Variants in HHIP observed in about 807,000 individuals in gnomAD.
HHIP encodes hedgehog-interacting protein.
HHIP carries 12 observed loss-of-function variants against 74.0 expected under a neutral mutation model. The observed-to-expected ratio is 0.16, with a 90% CI of 0.10 to 0.26. The LOEUF (loss-of-function observed/expected upper bound fraction) is 0.26. HHIP is among the 10% of genes least tolerant of loss of function. The pLI is 1.00. For missense variants in HHIP, 788 were observed against 845.0 expected (o/e 0.93, Z 0.84); for synonymous variants, 309 against 311.6 (o/e 0.99, Z 0.09).
chr4:144,647,108 G>A (rs940473956), intron 1 of HHIP, 154 bp downstream of exon 1: 1 of 631,064 alleles, frequency 1.6e-6, no homozygotes, highest in South Asian at 2.4e-5. Context: ...TGATTCCGTT[G>A]TGTGTTCCTC....
intron 11 of HHIP, among the ~76,000 whole-genome samples, chr4:144,731,301 T>C (rs1351910982): frequency 2.0e-5 from 3 of 152,206 alleles, no homozygotes; most frequent in Non-Finnish European, 4.4e-5. Flanking sequence ...TGCAACACAT[T>C]CTTCTAGGTC....
In HHIP at chr4:144,658,837, A is replaced by G. The variant is rs771087895; in HGVS notation, c.520A>G (p.Lys174Glu). 1.9e-6 allele frequency: 3 copies of G among 1,613,722 alleles called. No homozygotes were observed. The highest frequency in any genetic ancestry group is 2.2e-5 in the South Asian group (2 of 91,066). ...ADEFCFYYAR[K>E]DGGLCFPDFP... ...TGAGTTTTGCTTTTACTATGCAAGA[A>G]AAGATGGTGGGTTGTGCTTTCCAGA... is the stretch of plus-strand genomic sequence containing the variant. The change falls in exon 3 of 13, where the codon AAA becomes GAA. Residue 174 changes from lysine (K) to glutamate (E), a missense_variant. Lys to Glu is a moderately conservative substitution (Grantham distance 56). Coordinates refer to ENST00000296575, the MANE Select transcript of HHIP (RefSeq NM_022475.3).
rs546583827 is a variant in HHIP at position 144,711,394 on chromosome 4, A to G, written c.1302-556A>G. 9.2e-5 allele frequency among the ~76,000 whole-genome samples: 14 copies of G among 152,122 alleles called. No homozygotes were observed. The South Asian group carries it at 2.9e-3, about 32-fold the overall frequency. On this transcript the variant is annotated intron_variant, in intron 7 of 12. Coordinates refer to ENST00000296575, the MANE Select transcript of HHIP (RefSeq NM_022475.3). ...ACTTGCAGGTTTCTTACATAGGTTT[A>G]CATGTGCCATGGTAGTTTGCTGCAC... is the stretch of plus-strand genomic sequence containing the variant.
intron 4 of HHIP, among the ~76,000 whole-genome samples, chr4:144,679,675 A>G (rs751182953): frequency 1.6e-4 from 25 of 152,168 alleles, no homozygotes; most frequent in Non-Finnish European, 3.5e-4. Context: ...CAAAGATCAG[A>G]TAATTGTAGA....
At chr4:144,719,115 G>A (rs111283241) in intron 11 of HHIP, among the ~76,000 whole-genome samples, 159 bp downstream of exon 11, 3 of 151,960 alleles carry the variant, frequency 2.0e-5, no homozygotes, top group Admixed American at 6.6e-5. Flanking sequence ...GATTTTCTTC[G>A]CCTGTCTATG....
intron 2 of HHIP, among the ~76,000 whole-genome samples, chr4:144,657,516 A>AG (rs1276666267): frequency 6.6e-6 from 1 of 152,228 alleles, no homozygotes; most frequent in Admixed American, 6.5e-5. Context: ...CTCTGGTAAT[A>AG]CCGTCATATT....
intron 1 of HHIP, among the ~76,000 whole-genome samples, chr4:144,649,064 T>A (rs1034651625): frequency 6.6e-6 from 1 of 152,224 alleles, no homozygotes; most frequent in Admixed American, 6.5e-5. Flanking sequence ...TGACCTATGT[T>A]AGTTTTCAAG....
intron 4 of HHIP, among the ~76,000 whole-genome samples, chr4:144,672,860 C>T (rs1426644336): frequency 6.6e-6 from 1 of 152,102 alleles, no homozygotes; most frequent in Non-Finnish European, 1.5e-5. Flanking sequence ...TGCCACCATG[C>T]CCAGCTATTT....
chr4:144,734,285 G>A (rs538670390), intron 11 of HHIP, among the ~76,000 whole-genome samples: 16 of 151,330 alleles, frequency 1.1e-4, no homozygotes, highest in Non-Finnish European at 2.1e-4. Context: ...AAGTCATTTT[G>A]ATGAATGCCT....
chr4:144,647,217 C>A, intron 1 of HHIP: 1 of 417,110 alleles, frequency 2.4e-6, no homozygotes, highest in Non-Finnish European at 4.2e-6. Flanking sequence ...GGTACCCGCA[C>A]CCTGGGCTGG....
chr4:144,692,181 A>G (rs996452485), intron 4 of HHIP, among the ~76,000 whole-genome samples: 1 of 152,088 alleles, frequency 6.6e-6, no homozygotes, highest in African/African-American at 2.4e-5. Flanking sequence ...AGAAGTTATC[A>G]TGCCTTTACA....
intron 9 of HHIP, chr4:144,715,057 G>C: frequency 2.8e-6 from 1 of 362,866 alleles, no homozygotes; most frequent in South Asian, 3.1e-5. Flanking sequence ...GAAGGGGAGG[G>C]CTTTTCTCAT....
intron 11 of HHIP, among the ~76,000 whole-genome samples, chr4:144,730,337 T>G (rs967081611): frequency 1.3e-5 from 2 of 152,162 alleles, no homozygotes; most frequent in Non-Finnish European, 2.9e-5. Context: ...TTGTCATGCA[T>G]GAAGGGATTA....
At chr4:144,732,711 T>A (rs1317415422) in intron 11 of HHIP, among the ~76,000 whole-genome samples, 1 of 152,182 alleles carries the variant, frequency 6.6e-6, no homozygotes, top group Admixed American at 6.5e-5. Context: ...TCTCTTTGGA[T>A]TCACCTATTC....
At chr4:144,688,549 T>C (rs1729548976) in intron 4 of HHIP, among the ~76,000 whole-genome samples, 1 of 152,194 alleles carries the variant, frequency 6.6e-6, no homozygotes, top group Admixed American at 6.6e-5. Flanking sequence ...GCCTAAATAT[T>C]AGAACTTATG....
intron 4 of HHIP, among the ~76,000 whole-genome samples, chr4:144,662,991 A>G (rs894261981): frequency 3.3e-5 from 5 of 152,148 alleles, no homozygotes; most frequent in Non-Finnish European, 7.4e-5. Flanking sequence ...GCTTTCAAAA[A>G]TTCTTATAGC....
At chr4:144,671,581 T>C (rs1729038960) in intron 4 of HHIP, among the ~76,000 whole-genome samples, 1 of 152,340 alleles carries the variant, frequency 6.6e-6, no homozygotes, top group East Asian at 1.9e-4. Context: ...GAACTAATCA[T>C]GGCATAGCCA....
Position 144,741,893 on chromosome 4 carries a change from G to A in HHIP, c.*3936G>A, listed in dbSNP as rs761613038. ...GGAAGGCTAAGGTATACTATTGGCA[G>A]TTGTAGTTTTAATTGTAATTGACTG... On this transcript the variant is annotated 3_prime_UTR_variant, in exon 13 of 13. Transcript: ENST00000296575. 7 of 152,082 alleles carry A rather than the reference G, an allele frequency of 4.6e-5. No individual in the cohort carries two copies. The highest frequency in any genetic ancestry group is 3.3e-4 in the Admixed American group (5 of 15,264). 9.4% of individuals were successfully genotyped at this position (152,082 alleles called of 1,614,324 possible). A position where few individuals can be genotyped will look rare whatever the true frequency, so the allele number is the denominator to read the frequency against.
rs116671916 is a variant in HHIP, at chr4:144,726,557, G to C, written c.1760+7601G>C. ...CCAAATTAATGATCCAGAAGTTCTT[G>C]ATGTAGGTAAAATTCACCATGATTT... is the stretch of plus-strand genomic sequence containing the variant. On this transcript the variant is annotated intron_variant, in intron 11 of 12. Transcript: ENST00000296575. Among the ~76,000 whole-genome samples the C allele has an allele frequency of 2.2e-3, 335 of 152,260 alleles. 3 individuals are homozygous for C. Among genetic ancestry groups the C allele is most frequent in the African/African-American group, 7.7e-3 (319 of 41,554 alleles).
Sources: gnomAD v4.1 joint callset for allele counts (sites outside exome capture counted in the v4.1 genomes callset) on GRCh38, gnomAD v4.1.1 for gene constraint, MANE v1.5 for transcripts, NCBI Gene and HGNC (gene_info 2026-07-23, HGNC 2026-07-21) for gene names.